Variants in RARS2 observed in about 807,000 individuals in gnomAD.
RARS2 encodes the protein arginyl-tRNA synthetase 2, mitochondrial, also known as probable arginine--tRNA ligase, mitochondrial.
Under a neutral mutation model 88.5 loss-of-function variants are expected in RARS2, and 67 were observed. The ratio of observed to expected loss-of-function variants is 0.76; its 90% CI spans 0.62 to 0.93. The LOEUF is 0.93. Among genes scored for constraint, RARS2 ranks in the 40% least tolerant of loss-of-function variants. The probability of loss-of-function intolerance (pLI) is 0.00; values close to 1 mark genes in which losing one functional copy is unlikely to be tolerated. For synonymous variants in RARS2, 239 were observed against 230.3 expected (o/e 1.04, Z -0.34); for missense variants, 664 against 684.2 (o/e 0.97, Z 0.33).
chr6:87,529,031 AC>A (rs1227124288), intron 10 of RARS2, among the ~76,000 whole-genome samples: 1 of 152,186 alleles, frequency 6.6e-6, no homozygotes, highest in Admixed American at 6.5e-5. Flanking sequence ...AAAAACTCTG[AC>A]ATAAGCAAGA....
chr6:87,579,969 G>A (rs1288143462), intron 1 of RARS2, among the ~76,000 whole-genome samples: 1 of 151,830 alleles, frequency 6.6e-6, no homozygotes, highest in Non-Finnish European at 1.5e-5. Flanking sequence ...TTGATCTCTT[G>A]ACCTCGTGAT....
At chr6:87,530,746 T>C (rs1173172388) in intron 9 of RARS2, 38 bp downstream of exon 9, 1 of 1,609,512 alleles carries the variant, frequency 6.2e-7, no homozygotes, top group South Asian at 1.1e-5. Flanking sequence ...AGAGCTGCAC[T>C]GCATCATGGG....
rs62417670 is a variant in RARS2, at chr6:87,539,058, G to A, written c.612+2860C>T. On this transcript the variant is annotated intron_variant, in intron 8 of 19. Coordinates refer to ENST00000369536, the MANE Select transcript of RARS2 (RefSeq NM_020320.5). ...CACATAAATAAATAAATAAATAAAT[G>A]AATAAATAAATAAATAAAAGATAAA... Among the ~76,000 whole-genome samples, 294 of 150,554 alleles carry A rather than the reference G, an allele frequency of 2.0e-3. 2 individuals are homozygous for A. Among genetic ancestry groups the A allele is most frequent in the Non-Finnish European group, 1.7e-3 (116 of 67,668 alleles).
At chr6:87,565,406 GAAAC>G (rs1562221883) in intron 2 of RARS2, among the ~76,000 whole-genome samples, 2 of 151,928 alleles carry the variant, frequency 1.3e-5, no homozygotes, top group African/African-American at 2.4e-5. Context: ...CAAAAACAAA[GAAAC>G]AAACACAAAG....
At chr6:87,586,191 G>C (rs1229856790) in intron 1 of RARS2, among the ~76,000 whole-genome samples, 1 of 152,156 alleles carries the variant, frequency 6.6e-6, no homozygotes, top group African/African-American at 2.4e-5. Context: ...AGGTGATAAT[G>C]GGGGCTTGGT....
At chr6:87,560,995 A>G (rs1787685138) in intron 4 of RARS2, among the ~76,000 whole-genome samples, 1 of 152,250 alleles carries the variant, frequency 6.6e-6, no homozygotes, top group Non-Finnish European at 1.5e-5. Context: ...AATTATGTAC[A>G]GTACATAATA....
intron 1 of RARS2, among the ~76,000 whole-genome samples, chr6:87,582,073 G>A (rs75545801): frequency 6.6e-6 from 1 of 152,130 alleles, no homozygotes; most frequent in Non-Finnish European, 1.5e-5. Flanking sequence ...ACATCCACAT[G>A]CATGTATCTT....
chr6:87,520,109 C>T, intron 13 of RARS2, 71 bp downstream of exon 13: 3 of 1,286,804 alleles, frequency 2.3e-6, no homozygotes, highest in Non-Finnish European at 3.4e-6. Flanking sequence ...GAGTGAAAAA[C>T]TTTAACCACT....
Position 87,514,057 on chromosome 6 carries a change from A to G in RARS2, c.*356T>C, listed in dbSNP as rs1007725273. 4.6e-5 allele frequency among the ~76,000 whole-genome samples: 7 copies of G among 152,200 alleles called. No homozygotes were observed. The highest frequency in any genetic ancestry group is 1.7e-4 in the African/African-American group (7 of 41,448). ...CTGGGCGTGGTGGTTCATGCCTCTA[A>G]TCCCAACACTTTGGGAGGCCAAGGC... On this transcript the variant is annotated 3_prime_UTR_variant, in exon 20 of 20. Coordinates refer to ENST00000369536, the MANE Select transcript of RARS2 (RefSeq NM_020320.5).
chr6:87,543,317 A>G (rs1781610408), intron 7 of RARS2, among the ~76,000 whole-genome samples: 2 of 151,634 alleles, frequency 1.3e-5, no homozygotes, highest in African/African-American at 4.8e-5. Flanking sequence ...CAAAAACAAA[A>G]ACAAAAACAA....
intron 1 of RARS2, among the ~76,000 whole-genome samples, chr6:87,585,527 G>A (rs1335736770): frequency 1.3e-5 from 2 of 152,154 alleles, no homozygotes; most frequent in Admixed American, 6.5e-5. Flanking sequence ...TCAGGAGATC[G>A]AGACCATCCT....
At chr6:87,586,523 T>C (rs756416594) in intron 1 of RARS2, among the ~76,000 whole-genome samples, 6 of 152,218 alleles carry the variant, frequency 3.9e-5, no homozygotes, top group Non-Finnish European at 7.3e-5. Context: ...ATGCTTCTAA[T>C]ACAGTGATTA....
intron 1 of RARS2, among the ~76,000 whole-genome samples, chr6:87,578,107 A>ACCCCCCCC (rs796269641): frequency 7.5e-6 from 1 of 133,518 alleles, no homozygotes; most frequent in African/African-American, 2.9e-5. Context: ...ACATAGCGAG[A>ACCCCCCCC]CCCCCCCCCC....
At chr6:87,546,119 T>G (rs1216868564) in intron 6 of RARS2, among the ~76,000 whole-genome samples, 1 of 152,174 alleles carries the variant, frequency 6.6e-6, no homozygotes, top group Non-Finnish European at 1.5e-5. Context: ...TCATTCTATC[T>G]CCTTTTAATC....
chr6:87,580,042 A>G (rs1045200436), intron 1 of RARS2, among the ~76,000 whole-genome samples: 1 of 152,066 alleles, frequency 6.6e-6, no homozygotes, highest in Non-Finnish European at 1.5e-5. Context: ...CCAGGCTTGG[A>G]GCATGGTTTT....
At chr6:87,571,249 T>C (rs1769610692) in intron 1 of RARS2, among the ~76,000 whole-genome samples, 1 of 152,110 alleles carries the variant, frequency 6.6e-6, no homozygotes, top group Non-Finnish European at 1.5e-5. Flanking sequence ...TCCCCCACCC[T>C]TCGCTCAACA....
chr6:87,553,999 T>C (rs1486759527), intron 5 of RARS2, among the ~76,000 whole-genome samples: 2 of 152,172 alleles, frequency 1.3e-5, no homozygotes, highest in Non-Finnish European at 2.9e-5. Context: ...CTTTCTCTGA[T>C]TGTCCAGGAG....
intron 1 of RARS2, among the ~76,000 whole-genome samples, chr6:87,585,672 C>A (rs1774929994): frequency 6.6e-6 from 1 of 152,110 alleles, no homozygotes; most frequent in South Asian, 2.1e-4. Flanking sequence ...GCGGAGCTTG[C>A]AGTGAGCAGA....
Position 87,581,906 on chromosome 6 carries a change from TTCA to T in RARS2, c.36+8013_36+8015del, listed in dbSNP as rs558827752. On this transcript the variant is annotated intron_variant, in intron 1 of 19. Transcript: ENST00000369536. ...CTGAGAATAATGGTTTCTGGCTCCA[TTCA>T]TGTCCCTGCAAAGGACATGATCTCG... 1.7e-3 allele frequency among the ~76,000 whole-genome samples: 253 copies of T among 152,324 alleles called. 1 individual carries two copies. Among genetic ancestry groups the T allele is most frequent in the Middle Eastern group, 6.8e-3 (2 of 294 alleles).
Sources: gnomAD v4.1 joint callset for allele counts (sites outside exome capture counted in the v4.1 genomes callset) on GRCh38, gnomAD v4.1.1 for gene constraint, MANE v1.5 for transcripts, NCBI Gene and HGNC (gene_info 2026-07-23, HGNC 2026-07-21) for gene names.